ABCB9: variants seen among roughly 807,000 people sequenced by gnomAD.
The protein encoded by ABCB9 is ABC-type oligopeptide transporter ABCB9.
ABCB9 carries 36 observed loss-of-function variants against 62.0 expected under a neutral mutation model. The observed-to-expected ratio is 0.58, with a 90% CI of 0.45 to 0.77. The LOEUF (loss-of-function observed/expected upper bound fraction) is 0.77, where lower values mean the gene tolerates loss of function less well. Ranked by LOEUF, ABCB9 falls within the 30% of genes least tolerant of loss-of-function variation. The pLI, the probability that ABCB9 is intolerant of heterozygous loss-of-function variation, is 0.00. For synonymous variants in ABCB9, 435 were observed against 461.4 expected (o/e 0.94, Z 0.73); for missense variants, 943 against 1,054.7 (o/e 0.89, Z 1.47).
intron 9 of ABCB9, among the ~76,000 whole-genome samples, chr12:122,936,671 G>A (rs1256550945): frequency 6.6e-6 from 1 of 151,982 alleles, no homozygotes; most frequent in Admixed American, 6.6e-5. Flanking sequence ...TTGGGAGGCC[G>A]AGGTGGGCGG....
At position 122,940,749 on chromosome 12, in the gene ABCB9, C is replaced by T; in HGVS notation, c.1569+58G>A. The stretch of plus-strand genomic sequence containing the variant: ...GCCACAGCCTGGTGTATAGGAGGTG[C>T]ACCAGAAATGGGGTGACGGAAAGGC... On this transcript the variant is annotated intron_variant, in intron 8 of 11. Transcript: ENST00000280560. This position sits in a 1 kb window ranked among gnomAD's most constrained non-coding sequence, Gnocchi z 4.8. The T allele has an allele frequency of 2.0e-6, 3 of 1,492,496 alleles. No individual in the cohort carries two copies. The highest frequency in any genetic ancestry group is 2.7e-6 in the Non-Finnish European group (3 of 1,110,890). 92.5% of individuals were successfully genotyped at this position (1,492,496 alleles called of 1,614,324 possible). A position where few individuals can be genotyped will look rare whatever the true frequency, so the allele number is the denominator to read the frequency against.
In ABCB9 at chr12:122,930,125, A is replaced by ATGAGTACCG; in HGVS notation, c.2078_2086dup (p.Thr693_Leu695dup). On this transcript the variant is annotated inframe_insertion, in exon 12 of 12. Transcript: ENST00000280560. This position sits in a 1 kb window ranked among gnomAD's most constrained non-coding sequence, Gnocchi z 4.9. ...CACGGTGCTCAGCCGGTGCGCGATG[A>ATGAGTACCG]TGAGTACCGTGTGCTTCTGCAGGTT... The ATGAGTACCG allele has an allele frequency of 6.4e-7, 1 of 1,554,590 alleles. No homozygotes were observed. The highest frequency in any genetic ancestry group is 8.7e-7 in the Non-Finnish European group (1 of 1,148,920).
Position 122,935,358 on chromosome 12 carries a change from G to C in ABCB9, c.1817C>G (p.Thr606Ser). The change falls in exon 10 of 12, where the codon ACT (threonine) becomes AGT (serine). Residue 606 changes from threonine to serine, a missense_variant. Thr to Ser is a moderately conservative substitution (Grantham distance 58). Transcript: ENST00000280560. Reference sequence around the variant, plus strand: ...CTCCACCACCATCTCGAAAGGCACAGTGGGCAGGCCGTAGGAGATGTTATC... The same window carrying C: ...CTCCACCACCATCTCGAAAGGCACACTGGGCAGGCCGTAGGAGATGTTATC... Reference protein sequence around the residue: ...ITDNISYGLPTVPFEMVVEAA... With the variant: ...ITDNISYGLPSVPFEMVVEAA... The C allele has an allele frequency of 6.2e-7, 1 of 1,614,156 alleles. No individual in the cohort carries two copies. Among genetic ancestry groups the C allele is most frequent in the South Asian group, 1.1e-5 (1 of 91,082 alleles).
rs939545893 is a variant in ABCB9 at position 122,929,155 on chromosome 12, C to A, written c.*756G>T. ...GCCTCCAGACAGCAGAGCACAGGGG[C>A]GGGTGTGGGGAGGGAGGCTGCCAGC... On this transcript the variant is annotated 3_prime_UTR_variant, in exon 12 of 12. Coordinates refer to ENST00000280560, the MANE Select transcript of ABCB9 (RefSeq NM_019625.4). This position sits in a 1 kb window ranked among gnomAD's most constrained non-coding sequence, Gnocchi z 6.0. 4 of 142,098 alleles carry A rather than the reference C, an allele frequency of 2.8e-5. No homozygotes were observed. The highest frequency in any genetic ancestry group is 4.0e-5 in the Non-Finnish European group (3 of 75,112). The allele number at this position is 142,098 out of a possible 1,614,324, so 8.8% of individuals were successfully genotyped here.
intron 1 of ABCB9, among the ~76,000 whole-genome samples, chr12:122,965,068 T>C (rs562626385): frequency 6.6e-6 from 1 of 152,194 alleles, no homozygotes; most frequent in Admixed American, 6.5e-5. Flanking sequence ...CGGGCCCTAC[T>C]ATGTGCCTGG....
At chr12:122,973,600 A>AAAAAAAAAAC (rs1566206719) in intron 1 of ABCB9, among the ~76,000 whole-genome samples, 48 of 144,346 alleles carry the variant, frequency 3.3e-4, no homozygotes, top group Non-Finnish European at 4.2e-4. Context: ...AAAAAAAAAA[A>AAAAAAAAAAC]AAAAAAAAAC....
At chr12:122,949,639 G>GTT in intron 4 of ABCB9, 149 bp downstream of exon 4, 2 of 1,107,910 alleles carry the variant, frequency 1.8e-6, no homozygotes, top group Non-Finnish European at 2.6e-6. Context: ...CACAGGCCAA[G>GTT]CCCAGGGTGT....
exon 12 of ABCB9, chr12:122,920,974 C>A (rs1187867097): frequency 6.6e-7 from 1 of 1,522,218 alleles, no homozygotes; most frequent in African/African-American, 1.4e-5. Flanking sequence ...TGTTTTATAC[C>A]TGAATGGTTA....
intron 2 of ABCB9, among the ~76,000 whole-genome samples, chr12:122,956,615 G>A (rs2036619009): frequency 6.6e-6 from 1 of 152,198 alleles, no homozygotes; most frequent in Non-Finnish European, 1.5e-5. Context: ...CTGCCTCCCA[G>A]GTTCAAGCAA....
chr12:122,928,325 C>T (rs1360179509), downstream of ABCB9, among the ~76,000 whole-genome samples: 3 of 151,944 alleles, frequency 2.0e-5, no homozygotes, highest in South Asian at 2.1e-4. Flanking sequence ...AAAAATGAGC[C>T]GGGTGTGGTG....
In ABCB9 at chr12:122,944,208, C is replaced by T. The variant is rs1047368156; in HGVS notation, c.1380+183G>A. Among the ~76,000 whole-genome samples, 1 of 152,030 alleles carries T rather than the reference C, an allele frequency of 6.6e-6. No individual in the cohort carries two copies. The highest frequency in any genetic ancestry group is 1.5e-5 in the Non-Finnish European group (1 of 67,986). ...CCTCCCAAAGTTCTGGGATTATAGG[C>T]GTGAGCCACCACGCCCTGCCTAGTA... is the stretch of plus-strand genomic sequence containing the variant. On this transcript the variant is annotated intron_variant, in intron 7 of 11. Coordinates refer to ENST00000280560, the MANE Select transcript of ABCB9 (RefSeq NM_019625.4). The surrounding 1 kb of genome is among the most constrained non-coding windows in gnomAD (Gnocchi z 4.9).
chr12:122,938,755 G>C (rs987341233), intron 9 of ABCB9, among the ~76,000 whole-genome samples: 3 of 151,872 alleles, frequency 2.0e-5, no homozygotes, highest in African/African-American at 4.8e-5. Flanking sequence ...GTGAACCCGG[G>C]AGGTGGAGCT....
In ABCB9 at chr12:122,930,057, C is replaced by T. The variant is rs148914003; in HGVS notation, c.2155G>A (p.Val719Met). 22 of 1,568,656 alleles carry T rather than the reference C, an allele frequency of 1.4e-5. No homozygotes were observed. Among genetic ancestry groups the T allele is most frequent in the African/African-American group, 2.7e-5 (2 of 74,092 alleles). The stretch of plus-strand genomic sequence containing the variant: ...AGCTGCTGGTGGGTGCCCTGCTGCA[C>T]TACGCGGCCCTTGTCCAGCACCACA... Reference protein sequence around the residue: ...LIVVLDKGRVVQQGTHQQLLA... With the variant: ...LIVVLDKGRVMQQGTHQQLLA... The change falls in exon 12 of 12, where the codon GTG (valine) becomes ATG (methionine). Residue 719 changes from valine (V) to methionine (M), a missense_variant. Transcript: ENST00000280560. This position sits in a 1 kb window ranked among gnomAD's most constrained non-coding sequence, Gnocchi z 4.9.
In ABCB9 at chr12:122,932,384, G is replaced by C; in HGVS notation, c.1904-56C>G. Reference sequence around the variant, plus strand: ...CAATGGGTGAGGCCGGGCAGCACCGGGGAAGAGTGAGAGGCCCTGCCCTGC... The same window carrying C: ...CAATGGGTGAGGCCGGGCAGCACCGCGGAAGAGTGAGAGGCCCTGCCCTGC... On this transcript the variant is annotated intron_variant, in intron 10 of 11. Coordinates refer to ENST00000280560, the MANE Select transcript of ABCB9 (RefSeq NM_019625.4). The surrounding 1 kb of genome is among the most constrained non-coding windows in gnomAD (Gnocchi z 4.7). 1 of 1,512,220 alleles carries C rather than the reference G, an allele frequency of 6.6e-7. No individual in the cohort carries two copies. Among genetic ancestry groups the C allele is most frequent in the East Asian group, 2.5e-5 (1 of 40,376 alleles). 93.7% of individuals were successfully genotyped at this position (1,512,220 alleles called of 1,614,324 possible).
At chr12:122,937,870 C>T (rs1161878292) in intron 9 of ABCB9, among the ~76,000 whole-genome samples, 1 of 152,218 alleles carries the variant, frequency 6.6e-6, no homozygotes, top group East Asian at 1.9e-4. Flanking sequence ...CCATCCAGGG[C>T]ATCCCTGCTC....
intron 9 of ABCB9, among the ~76,000 whole-genome samples, chr12:122,939,026 G>A (rs966889246): frequency 6.6e-6 from 1 of 151,906 alleles, no homozygotes; most frequent in African/African-American, 2.4e-5. Context: ...ACAAAAATTA[G>A]TCAGGCATGG....
Position 122,954,427 on chromosome 12 carries a change from C to T in ABCB9, c.602-3862G>A, listed in dbSNP as rs541212561. Among the ~76,000 whole-genome samples the T allele has an allele frequency of 9.2e-5, 14 of 151,908 alleles. No individual in the cohort carries two copies. The South Asian group carries it at 2.7e-3, about 29-fold the overall frequency. ...TTCTCCATGTTGGTCAGGCTGGTCT[C>T]GAACTCCTGACCTCAGGTGATCTGC... On this transcript the variant is annotated intron_variant, in intron 2 of 11. Coordinates refer to ENST00000280560, the MANE Select transcript of ABCB9 (RefSeq NM_019625.4).
intron 10 of ABCB9, among the ~76,000 whole-genome samples, chr12:122,933,374 G>A (rs1001299866): frequency 1.3e-5 from 2 of 152,130 alleles, no homozygotes; most frequent in Non-Finnish European, 2.9e-5. Flanking sequence ...CTAATATGGT[G>A]AAACCCTGTC....
intron 7 of ABCB9, among the ~76,000 whole-genome samples, chr12:122,942,577 C>G (rs952748901): frequency 1.3e-5 from 2 of 149,904 alleles, no homozygotes; most frequent in Non-Finnish European, 3.0e-5. Flanking sequence ...CAAGATTGCA[C>G]CACTGTACTC....
Sources: gnomAD v4.1 joint callset for allele counts (sites outside exome capture counted in the v4.1 genomes callset) on GRCh38, gnomAD v4.1.1 for gene constraint, Gnocchi (gnomAD v3.1) non-coding constraint, MANE v1.5 for transcripts, NCBI Gene and HGNC (gene_info 2026-07-23, HGNC 2026-07-21) for gene names.